Variants in TRDN observed in about 807,000 individuals in gnomAD.
TRDN encodes the protein triadin in skeletal muscle.
Under a neutral mutation model 149.7 loss-of-function variants are expected in TRDN, and 161 were observed. That is an observed-to-expected ratio of 1.08 (90% CI 0.95 to 1.23). TRDN has a LOEUF of 1.23. TRDN is among the 50% of genes most tolerant of loss of function. TRDN has a pLI of 0.00. For synonymous variants in TRDN, 294 were observed against 250.5 expected (o/e 1.17, Z -1.64); for missense variants, 896 against 823.5 (o/e 1.09, Z -1.08).
chr6:123,525,947 T>C (rs1008996656), intron 5 of TRDN, among the ~76,000 whole-genome samples: 1 of 151,986 alleles, frequency 6.6e-6, no homozygotes, highest in African/African-American at 2.4e-5. Flanking sequence ...GAATGTTACA[T>C]ATATATATGG....
At chr6:123,242,398 C>T (rs938060022) in intron 38 of TRDN, among the ~76,000 whole-genome samples, 1 of 152,118 alleles carries the variant, frequency 6.6e-6, no homozygotes, top group Non-Finnish European at 1.5e-5. Flanking sequence ...CTCACACATC[C>T]TCCTCCCAAT....
intron 38 of TRDN, among the ~76,000 whole-genome samples, chr6:123,224,991 C>T (rs943573544): frequency 6.6e-6 from 1 of 151,656 alleles, no homozygotes; most frequent in Admixed American, 6.6e-5. Context: ...AAAATATTTG[C>T]AAGCCATATA....
At chr6:123,457,050 G>A (rs1776170163) in intron 10 of TRDN, among the ~76,000 whole-genome samples, 1 of 152,202 alleles carries the variant, frequency 6.6e-6, no homozygotes, top group Non-Finnish European at 1.5e-5. Context: ...GTTTCACTTA[G>A]AATTCCATAA....
At chr6:123,339,729 C>G (rs548631048) in intron 21 of TRDN, among the ~76,000 whole-genome samples, 1 of 152,224 alleles carries the variant, frequency 6.6e-6, no homozygotes, top group South Asian at 2.1e-4. Flanking sequence ...CAATTATTTT[C>G]TTAATAATAT....
chr6:123,408,758 C>T (rs749423890), intron 12 of TRDN, among the ~76,000 whole-genome samples: 53 of 151,750 alleles, frequency 3.5e-4, no homozygotes, highest in Admixed American at 7.9e-4. Flanking sequence ...AGTACCCATT[C>T]GAATTCCTTG....
intron 1 of TRDN, among the ~76,000 whole-genome samples, chr6:123,581,071 G>T (rs1783097913): frequency 6.6e-6 from 1 of 152,168 alleles, no homozygotes; most frequent in African/African-American, 2.4e-5. Flanking sequence ...CACTTGGCTA[G>T]AATTCATTTT....
rs1006021118 is a variant in TRDN, at chr6:123,400,495, A to G, written c.1052-6818T>C. ...ACAACCTAGATCCCTAGCATGAGCA[A>G]TTGACAATAGGGTTCAAGCTCCTAT... is the stretch of plus-strand genomic sequence containing the variant. On this transcript the variant is annotated intron_variant, in intron 12 of 40. Coordinates refer to ENST00000334268, the MANE Select transcript of TRDN (RefSeq NM_006073.4). Among the ~76,000 whole-genome samples the G allele has an allele frequency of 5.9e-5, 9 of 152,188 alleles. No homozygotes were observed. The East Asian group carries it at 1.7e-3, about 30-fold the overall frequency.
At position 123,438,986 on chromosome 6, in the gene TRDN, T is replaced by A. The variant is rs138624936; in HGVS notation, c.949A>T (p.Lys317Ter). The A allele has an allele frequency of 6.4e-7, 1 of 1,559,198 alleles. No individual in the cohort carries two copies. The change falls in exon 11 of 41, where the codon AAG becomes TAG. Residue 317 changes from lysine to a stop codon, truncating the protein, a stop_gained. Transcript: ENST00000334268. LOFTEE classifies it high-confidence loss of function. ...PALEEKEGEKKKAEKKVTSET... is the reference protein window; with the variant it reads ...PALEEKEGEK ...GAAGTAACTTTCTTCTCAGCCTTCT[T>A]CTTTTCCCCTTCTTTTTCTAGAGAA...
intron 24 of TRDN, among the ~76,000 whole-genome samples, chr6:123,288,844 A>G (rs1474267990): frequency 6.6e-6 from 1 of 151,866 alleles, no homozygotes; most frequent in Non-Finnish European, 1.5e-5. Context: ...TAGAATTACC[A>G]TATTCAGCAA....
intron 26 of TRDN, 69 bp from the exon 27 acceptor site, chr6:123,274,739 A>T (rs887784653): frequency 7.1e-6 from 10 of 1,410,128 alleles, no homozygotes; most frequent in African/African-American, 1.5e-5. Flanking sequence ...TAATTTTTAG[A>T]AATAATTTTA....
intron 38 of TRDN, among the ~76,000 whole-genome samples, chr6:123,237,803 T>C: frequency 6.6e-6 from 1 of 152,118 alleles, no homozygotes; most frequent in East Asian, 1.9e-4. Context: ...TGAAAGTATG[T>C]CACAATAAGA....
chr6:123,585,497 G>A lies in TRDN; in HGVS notation c.23-14365C>T, dbSNP rs149779033. Among the ~76,000 whole-genome samples the A allele has an allele frequency of 5.3e-3, 813 of 152,110 alleles. 5 individuals carry two copies. The highest frequency in any genetic ancestry group is 0.012 in the Admixed American group (187 of 15,282). On this transcript the variant is annotated intron_variant, in intron 1 of 40. Coordinates refer to ENST00000334268, the MANE Select transcript of TRDN (RefSeq NM_006073.4). ...TTATCCTTCACTGTTAGAGTTACCCGAAGCTCGGCATCCATGATGGTCTAG... is the reference window on the plus strand; with the variant it reads ...TTATCCTTCACTGTTAGAGTTACCCAAAGCTCGGCATCCATGATGGTCTAG...
chr6:123,246,645 T>C (rs1425509956), intron 38 of TRDN, among the ~76,000 whole-genome samples: 1 of 151,962 alleles, frequency 6.6e-6, no homozygotes, highest in Admixed American at 6.6e-5. Flanking sequence ...CACAGCCAAG[T>C]TCTACCAGAG....
chr6:123,452,438 T>C (rs1008334009), intron 10 of TRDN, among the ~76,000 whole-genome samples: 1 of 152,036 alleles, frequency 6.6e-6, no homozygotes, highest in Non-Finnish European at 1.5e-5. Context: ...TCAGCAGTTC[T>C]TCTATACATC....
Position 123,561,803 on chromosome 6 carries a change from T to C in TRDN, c.232+9120A>G, listed in dbSNP as rs139976513. 7.9e-3 allele frequency among the ~76,000 whole-genome samples: 1,197 copies of C among 152,228 alleles called. 4 individuals carry two copies. The highest frequency in any genetic ancestry group is 0.013 in the Non-Finnish European group (852 of 68,014). Reference sequence around the variant, plus strand: ...TAATCTCTCCCACTCTAGGTTCCCATGCCGCCCCAATCCCTCTCGAAGCAG... The same window carrying C: ...TAATCTCTCCCACTCTAGGTTCCCACGCCGCCCCAATCCCTCTCGAAGCAG... On this transcript the variant is annotated intron_variant, in intron 2 of 40. Transcript: ENST00000334268.
chr6:123,491,655 C>G (rs1460941422), intron 9 of TRDN, among the ~76,000 whole-genome samples: 29 of 152,078 alleles, frequency 1.9e-4, no homozygotes, highest in Admixed American at 1.9e-3. Context: ...ATCAAGTTAT[C>G]CTTTTTAATA....
chr6:123,394,970 A>C (rs1211010648), intron 12 of TRDN, among the ~76,000 whole-genome samples: 2 of 152,156 alleles, frequency 1.3e-5, no homozygotes, highest in African/African-American at 4.8e-5. Context: ...GACAAGTATT[A>C]AATAATTGTT....
chr6:123,272,866 G>C (rs1777248709), intron 29 of TRDN, 98 bp downstream of exon 29: 1 of 895,996 alleles, frequency 1.1e-6, no homozygotes, highest in Non-Finnish European at 1.7e-6. Context: ...GACATGAATT[G>C]TCCCAAATAA....
In TRDN at chr6:123,501,755, A is replaced by C. The variant is rs368095921; in HGVS notation, c.793+1964T>G. 1.6e-3 allele frequency: 1,149 copies of C among 727,850 alleles called. 34 individuals carry two copies. In the South Asian group the frequency reaches 0.06, roughly 38 times the overall value. 45.1% of individuals were successfully genotyped at this position (727,850 alleles called of 1,614,324 possible). A position where few individuals can be genotyped will look rare whatever the true frequency, so the allele number is the denominator to read the frequency against. ...TTTGTGCTTTTGTTTTAAACTCTAA[A>C]TGATATTTGAATGTCCTTTTAATAG... On this transcript the variant is annotated intron_variant, in intron 8 of 40. Transcript: ENST00000334268.
Sources: gnomAD v4.1 joint callset for allele counts (sites outside exome capture counted in the v4.1 genomes callset) on GRCh38, gnomAD v4.1.1 for gene constraint, MANE v1.5 for transcripts, NCBI Gene and HGNC (gene_info 2026-07-23, HGNC 2026-07-21) for gene names.